The following TNFSF4 variants were observed in gnomAD, a reference collection of about 807,000 sequenced individuals.
TNFSF4 encodes tumor necrosis factor ligand superfamily member 4.
In TNFSF4, 4 loss-of-function variants were observed where a neutral mutation model predicts 7.3. That is an observed-to-expected ratio of 0.55 (90% CI 0.27 to 1.25). The LOEUF is 1.25. Among genes scored for constraint, TNFSF4 ranks in the 50% most tolerant of loss-of-function variants. The probability of loss-of-function intolerance (pLI) is 0.12; values close to 1 mark genes in which losing one functional copy is unlikely to be tolerated. For synonymous variants in TNFSF4, 76 were observed against 83.7 expected (o/e 0.91, Z 0.50); for missense variants, 181 against 208.8 (o/e 0.87, Z 0.82).
the TNFSF4 span, among the ~76,000 whole-genome samples, chr1:173,228,478 C>A: frequency 6.6e-6 from 1 of 152,000 alleles, no homozygotes; most frequent in African/African-American, 2.4e-5. Flanking sequence ...GAGATGGGGA[C>A]AAAACAGAAC....
the TNFSF4 span, chr1:173,441,963 C>T: frequency 1.3e-5 from 2 of 152,196 alleles, no homozygotes; most frequent in African/African-American, 4.8e-5. Context: ...CATGAGGTGG[C>T]TCCAAAAAGG....
chr1:173,282,679 G>A, the TNFSF4 span, among the ~76,000 whole-genome samples: 6 of 152,054 alleles, frequency 3.9e-5, no homozygotes, highest in African/African-American at 9.7e-5. Context: ...GGCTGATCTC[G>A]AATTCCTGAC....
At chr1:173,250,134 C>T in the TNFSF4 span, among the ~76,000 whole-genome samples, 1 of 152,170 alleles carries the variant, frequency 6.6e-6, no homozygotes, top group Non-Finnish European at 1.5e-5. Context: ...CATTCGATAG[C>T]TAACTATCCT....
the TNFSF4 span, among the ~76,000 whole-genome samples, chr1:173,272,799 G>A: frequency 1.5e-4 from 23 of 152,190 alleles, no homozygotes; most frequent in African/African-American, 5.5e-4. Flanking sequence ...TGCTTTGATC[G>A]GGCTTTGTCT....
At chr1:173,376,228 A>G in the TNFSF4 span, among the ~76,000 whole-genome samples, 1 of 152,254 alleles carries the variant, frequency 6.6e-6, no homozygotes, top group Non-Finnish European at 1.5e-5. Flanking sequence ...ATGGATAAAG[A>G]AAATGTGGCA....
At chr1:173,173,062 T>C in the TNFSF4 span, among the ~76,000 whole-genome samples, 2 of 152,278 alleles carry the variant, frequency 1.3e-5, no homozygotes, top group Non-Finnish European at 2.9e-5. Flanking sequence ...CTCACTATCA[T>C]GAGAACAGCT....
chr1:173,354,745 T>C, the TNFSF4 span, among the ~76,000 whole-genome samples: 2 of 152,180 alleles, frequency 1.3e-5, no homozygotes, highest in African/African-American at 4.8e-5. Context: ...TAAAAAACTT[T>C]GGAAAAATAG....
chr1:173,285,202 G>A, the TNFSF4 span, among the ~76,000 whole-genome samples: 1 of 151,980 alleles, frequency 6.6e-6, no homozygotes, highest in African/African-American at 2.4e-5. Flanking sequence ...GAAGTATTAC[G>A]GATGTGGTAG....
chr1:173,183,589 T>C (rs1035150747), downstream of TNFSF4: 2 of 152,112 alleles, frequency 1.3e-5, no homozygotes, highest in Non-Finnish European at 2.9e-5. Context: ...ACCTCAACCA[T>C]CCCTCAGATG....
chr1:173,208,097 C>T (rs45454293), upstream of TNFSF4, among the ~76,000 whole-genome samples: 10,607 of 152,146 alleles, frequency 0.07, 460 homozygotes, highest in East Asian at 0.15. Context: ...TCTTTGAGGT[C>T]GTGGCTGGCC....
the TNFSF4 span, among the ~76,000 whole-genome samples, chr1:173,370,559 G>A: frequency 2.5e-3 from 383 of 152,038 alleles, 3 homozygotes; most frequent in African/African-American, 8.8e-3. Context: ...GTGGCTATGG[G>A]AGGCCTTAAG....
At chr1:173,327,108 T>G in the TNFSF4 span, among the ~76,000 whole-genome samples, 2 of 152,214 alleles carry the variant, frequency 1.3e-5, no homozygotes, top group African/African-American at 4.8e-5. Context: ...GCTACCTGAC[T>G]TCAAACTATA....
chr1:173,205,254 T>C, intron 1 of TNFSF4: 1 of 1,601,494 alleles, frequency 6.2e-7, no homozygotes. Context: ...ACCTATGTCT[T>C]GCTTCCATCT....
the TNFSF4 span, chr1:173,175,555 T>C: frequency 1.3e-5 from 2 of 152,192 alleles, no homozygotes; most frequent in Admixed American, 1.3e-4. Flanking sequence ...CCTCATTCCT[T>C]CCCTGATGCT....
the TNFSF4 span, among the ~76,000 whole-genome samples, chr1:173,437,280 T>C: frequency 6.6e-6 from 1 of 152,364 alleles, no homozygotes; most frequent in East Asian, 1.9e-4. Context: ...GTACTGTGTG[T>C]CATTCTTGTG....
At chr1:173,203,698 A>G (rs1444676125) in intron 1 of TNFSF4, among the ~76,000 whole-genome samples, 2 of 152,224 alleles carry the variant, frequency 1.3e-5, no homozygotes, top group Non-Finnish European at 2.9e-5. Context: ...AAAAAAAGTG[A>G]TAAGAACTGA....
At chr1:173,269,206 G>A in the TNFSF4 span, among the ~76,000 whole-genome samples, 1 of 152,128 alleles carries the variant, frequency 6.6e-6, no homozygotes, top group East Asian at 1.9e-4. Flanking sequence ...TAGAGGGGTA[G>A]ATGAAATAAG....
downstream of TNFSF4, among the ~76,000 whole-genome samples, chr1:173,182,689 G>A (rs900590117): frequency 6.6e-6 from 1 of 152,202 alleles, no homozygotes; most frequent in East Asian, 1.9e-4. Flanking sequence ...TACAACAAAT[G>A]AGGCACTGGA....
At chr1:173,320,887 A>G in the TNFSF4 span, among the ~76,000 whole-genome samples, 3 of 152,252 alleles carry the variant, frequency 2.0e-5, no homozygotes, top group Admixed American at 2.0e-4. Flanking sequence ...CGTATTGTGA[A>G]GATGGTCATG....
Sources: gnomAD v4.1 joint callset for allele counts (sites outside exome capture counted in the v4.1 genomes callset) on GRCh38, gnomAD v4.1.1 for gene constraint, MANE v1.5 for transcripts, NCBI Gene and HGNC (gene_info 2026-07-23, HGNC 2026-07-21) for gene names.